The following FRAS1 variants were observed in gnomAD, a reference collection of about 807,000 sequenced individuals.
FRAS1 encodes the protein Fraser extracellular matrix complex subunit 1.
Under a neutral mutation model 435.2 loss-of-function variants are expected in FRAS1, and 290 were observed. The observed-to-expected ratio is 0.67, with a 90% CI of 0.61 to 0.73. FRAS1 has a LOEUF of 0.73. FRAS1 is among the 30% of genes least tolerant of loss of function. The pLI, the probability that FRAS1 is intolerant of heterozygous loss-of-function variation, is 0.00. For missense variants in FRAS1, 4,860 were observed against 5,001.5 expected (o/e 0.97, Z 0.85); for synonymous variants, 1,800 against 1,851.0 (o/e 0.97, Z 0.71).
intron 1 of FRAS1, among the ~76,000 whole-genome samples, chr4:78,062,494 G>T (rs549352137): frequency 1.8e-4 from 27 of 152,142 alleles, no homozygotes; most frequent in African/African-American, 6.0e-4. Context: ...AAATCTTTTT[G>T]TATCTTAATG....
At chr4:78,136,208 A>C (rs1435356011) in intron 2 of FRAS1, among the ~76,000 whole-genome samples, 1 of 152,208 alleles carries the variant, frequency 6.6e-6, no homozygotes. Context: ...CACAAAAAGC[A>C]CAACATTGTG....
Position 78,387,563 on chromosome 4 carries a change from C to A in FRAS1, c.3837C>A (p.Phe1279Leu), listed in dbSNP as rs766319773. 1 of 1,613,694 alleles carries A rather than the reference C, an allele frequency of 6.2e-7. No homozygotes were observed. Among genetic ancestry groups the A allele is most frequent in the Non-Finnish European group, 8.5e-7 (1 of 1,179,826 alleles). The change falls in exon 29 of 74, where the codon TTC becomes TTA. Residue 1279 changes from phenylalanine to leucine, a missense_variant. Transcript: ENST00000512123. The part of the protein sequence containing the change: ...LQSPATPIYQ[F>L]QLDELSRGLL... The stretch of plus-strand genomic sequence containing the variant: ...CCCCGGCAACCCCTATCTATCAATT[C>A]CAGCTGGATGAACTCTCTAGAGGCC...
At chr4:78,212,329 G>A (rs976570490) in intron 2 of FRAS1, among the ~76,000 whole-genome samples, 1 of 152,076 alleles carries the variant, frequency 6.6e-6, no homozygotes, top group Non-Finnish European at 1.5e-5. Flanking sequence ...TTCCCTTTCT[G>A]TAGGCCTGAG....
Position 78,319,578 on chromosome 4 carries a change from T to A in FRAS1, c.2137+592T>A, listed in dbSNP as rs548390832. On this transcript the variant is annotated intron_variant, in intron 18 of 73. Coordinates refer to ENST00000512123, the MANE Select transcript of FRAS1 (RefSeq NM_025074.7). The stretch of plus-strand genomic sequence containing the variant: ...TGAATAGTTTGACTCTAAAGCTACG[T>A]GAAAAAAAAATCATTAGTTTGTATT... 9.1e-4 allele frequency: 275 copies of A among 301,364 alleles called. 1 individual carries two copies. Among genetic ancestry groups the A allele is most frequent in the African/African-American group, 5.7e-3 (263 of 46,016 alleles). The allele number at this position is 301,364 out of a possible 1,614,324, so 18.7% of individuals were successfully genotyped here. A position where few individuals can be genotyped will look rare whatever the true frequency, so the allele number is the denominator to read the frequency against.
intron 14 of FRAS1, among the ~76,000 whole-genome samples, chr4:78,293,687 G>A (rs1728010378): frequency 6.6e-6 from 1 of 152,172 alleles, no homozygotes; most frequent in Non-Finnish European, 1.5e-5. Flanking sequence ...GTTTTTTTGA[G>A]TAAACAAGAC....
intron 59 of FRAS1, among the ~76,000 whole-genome samples, chr4:78,496,481 G>GA (rs954347863): frequency 1.3e-4 from 20 of 152,254 alleles, no homozygotes; most frequent in African/African-American, 4.6e-4. Flanking sequence ...AAGCAGCACA[G>GA]AAAAAAATGT....
Position 78,544,090 on chromosome 4 carries a change from T to C in FRAS1, c.*2966T>C, listed in dbSNP as rs1272090163. On this transcript the variant is annotated 3_prime_UTR_variant, in exon 74 of 74. Transcript: ENST00000512123. ...AGTCTGCTATAGGTATTTGTTATTC[T>C]TGGATACTACACACCTGCTCAGACT... 1 of 152,660 alleles carries C rather than the reference T, an allele frequency of 6.6e-6. No individual in the cohort carries two copies. The highest frequency in any genetic ancestry group is 1.5e-5 in the Non-Finnish European group (1 of 68,032). 9.5% of individuals were successfully genotyped at this position (152,660 alleles called of 1,614,324 possible).
Position 78,526,562 on chromosome 4 carries a change from C to A in FRAS1, c.10830C>A (p.Tyr3610Ter). ...CCAGGAAGGACTACTCAGGAGAGTA[C>A]ACCATCTACCTGATCCCTTGCACAG... is the stretch of plus-strand genomic sequence containing the variant. ...SYNRKDYSGE[Y>*]TIYLIPCTVQ... Residue 3610 changes from tyrosine to a stop codon, truncating the protein, a stop_gained, in exon 70 of 74, where the codon TAC (tyrosine) becomes TAA (stop). Transcript: ENST00000512123. LOFTEE classifies it high-confidence loss of function. 6.3e-7 allele frequency: 1 copy of A among 1,597,940 alleles called. No homozygotes were observed. The highest frequency in any genetic ancestry group is 8.5e-7 in the Non-Finnish European group (1 of 1,172,052).
chr4:78,379,681 G>A (rs1200153502), intron 26 of FRAS1, 45 bp from the exon 27 acceptor site: 1 of 1,571,144 alleles, frequency 6.4e-7, no homozygotes, highest in African/African-American at 1.4e-5. Flanking sequence ...GACCTAATTA[G>A]TGAAGGTACC....
intron 6 of FRAS1, among the ~76,000 whole-genome samples, chr4:78,261,419 A>G (rs1404141063): frequency 1.3e-5 from 2 of 152,190 alleles, no homozygotes; most frequent in Admixed American, 6.6e-5. Context: ...TGGACATGCT[A>G]TCCCCAAATA....
intron 18 of FRAS1, among the ~76,000 whole-genome samples, chr4:78,332,175 G>A (rs146293010): frequency 1.2e-3 from 179 of 152,262 alleles, no homozygotes; most frequent in Non-Finnish European, 1.1e-3. Context: ...GAGTGTAAGC[G>A]TATGATAAGG....
At chr4:78,062,435 G>T (rs925745924) in intron 1 of FRAS1, among the ~76,000 whole-genome samples, 3 of 152,112 alleles carry the variant, frequency 2.0e-5, no homozygotes, top group African/African-American at 7.2e-5. Context: ...ATGCCAACTT[G>T]TGGCTGCTTG....
Position 78,237,572 on chromosome 4 carries a change from C to G in FRAS1, c.171C>G (p.Ile57Met), listed in dbSNP as rs772021599. The G allele has an allele frequency of 6.2e-7, 1 of 1,612,810 alleles. No individual in the cohort carries two copies. Among genetic ancestry groups the G allele is most frequent in the Admixed American group, 1.7e-5 (1 of 59,964 alleles). ...GCCGTTGCCATGGTGATATTGTTAT[C>G]TGCAAACCTGCTGTTTGCAGAAACC... ...QSCRCHGDIV[I>M]CKPAVCRNPQ... Residue 57 changes from isoleucine (I) to methionine (M), a missense_variant, in exon 3 of 74, where the codon ATC becomes ATG. Physicochemically the swap from Ile to Met is conservative, Grantham distance 10. Transcript: ENST00000512123.
At chr4:78,188,555 C>T (rs1463409563) in intron 2 of FRAS1, among the ~76,000 whole-genome samples, 3 of 152,104 alleles carry the variant, frequency 2.0e-5, no homozygotes, top group Non-Finnish European at 4.4e-5. Flanking sequence ...TCAGGCCCAA[C>T]AAGAATATAA....
chr4:78,516,137 T>C (rs1721202967), intron 66 of FRAS1, 124 bp downstream of exon 66: 1 of 675,368 alleles, frequency 1.5e-6, no homozygotes, highest in Non-Finnish European at 2.5e-6. Context: ...AAGGGAGTCT[T>C]CTTTATAAGT....
rs899289577 is a variant in FRAS1, at chr4:78,301,460, G to A, written c.1535-6606G>A. The stretch of plus-strand genomic sequence containing the variant: ...TTATAGTAAGAAATTCAAGGTATAA[G>A]AGAAAAGCAAGCTTTGTGAGTTCTT... On this transcript the variant is annotated intron_variant, in intron 14 of 73. Transcript: ENST00000512123. Among the ~76,000 whole-genome samples, 3 of 152,066 alleles carry A rather than the reference G, an allele frequency of 2.0e-5. No homozygotes were observed. In the East Asian group the frequency reaches 5.8e-4, roughly 29 times the overall value.
intron 20 of FRAS1, among the ~76,000 whole-genome samples, chr4:78,343,734 C>T (rs1010557658): frequency 6.6e-6 from 1 of 152,108 alleles, no homozygotes; most frequent in East Asian, 1.9e-4. Flanking sequence ...CACTGAATAA[C>T]AGGGGGGAAA....
Position 78,441,338 on chromosome 4 carries a change from G to A in FRAS1, c.5665+41G>A, listed in dbSNP as rs1184178590. On this transcript the variant is annotated intron_variant, in intron 41 of 73. Coordinates refer to ENST00000512123, the MANE Select transcript of FRAS1 (RefSeq NM_025074.7). ...AAACTGTTAAGGACCTTGAGAGAAG[G>A]GAGGGGAGAGGGAGGAGGACCTTGC... 1.9e-6 allele frequency: 3 copies of A among 1,577,538 alleles called. No individual in the cohort carries two copies. In the South Asian group the frequency reaches 3.5e-5, roughly 18 times the overall value.
chr4:78,211,371 T>G (rs1225738939), intron 2 of FRAS1, among the ~76,000 whole-genome samples: 1 of 152,204 alleles, frequency 6.6e-6, no homozygotes, highest in African/African-American at 2.4e-5. Flanking sequence ...TTGTGAAAGT[T>G]TATATACTGT....
Sources: gnomAD v4.1 joint callset for allele counts (sites outside exome capture counted in the v4.1 genomes callset) on GRCh38, gnomAD v4.1.1 for gene constraint, MANE v1.5 for transcripts, NCBI Gene and HGNC (gene_info 2026-07-23, HGNC 2026-07-21) for gene names.